The following AFF1 variants were observed in gnomAD, a reference collection of about 807,000 sequenced individuals.
AFF1 encodes the protein ALF transcription elongation factor 1.
In AFF1, 48 loss-of-function variants were observed where a neutral mutation model predicts 121.7. That is an observed-to-expected ratio of 0.39 (90% CI 0.31 to 0.50). The LOEUF is 0.50. AFF1 is among the 20% of genes least tolerant of loss of function. AFF1 has a pLI of 0.76. For synonymous variants in AFF1, 613 were observed against 563.0 expected, an observed-to-expected ratio of 1.09 and a Z score of -1.26; for missense variants, 1,523 against 1,511.7, an observed-to-expected ratio of 1.01 and a Z score of -0.12.
chr4:86,989,502 A>G (rs1477204130), intron 2 of AFF1, among the ~76,000 whole-genome samples: 3 of 152,140 alleles, frequency 2.0e-5, no homozygotes, highest in African/African-American at 7.2e-5. Flanking sequence ...ACTTAGAATG[A>G]TGATCATTAA....
Position 87,125,105 on chromosome 4 carries a change from T to G in AFF1, c.2535T>G (p.Ser845=). The G allele has an allele frequency of 1.2e-6, 2 of 1,609,888 alleles. No homozygotes were observed. The highest frequency in any genetic ancestry group is 1.7e-6 in the Non-Finnish European group (2 of 1,177,366). Residue 845 remains serine (S), a synonymous_variant, in exon 13 of 21, where the codon TCT becomes TCG. Transcript: ENST00000395146. ...RLEKEIKSQS[S]SSSSSHKESS... ...AGAAGGAAATCAAATCACAGTCATCTTCATCTTCATCCTCCCACAAAGAAT... is the reference window on the plus strand; with the variant it reads ...AGAAGGAAATCAAATCACAGTCATCGTCATCTTCATCCTCCCACAAAGAAT...
At chr4:87,128,627 T>C (rs1330517418) in intron 16 of AFF1, among the ~76,000 whole-genome samples, 1 of 152,220 alleles carries the variant, frequency 6.6e-6, no homozygotes, top group African/African-American at 2.4e-5. Flanking sequence ...TGATTCATGG[T>C]GGCCCAGCCC....
At chr4:86,948,667 T>G (rs561995596) in intron 2 of AFF1, 96 bp downstream of exon 2, 158 of 1,223,864 alleles carry the variant, frequency 1.3e-4, no homozygotes, top group Middle Eastern at 2.5e-4. Flanking sequence ...TTTTGCAACT[T>G]AAGAACTCAC....
At position 87,126,309 on chromosome 4, in the gene AFF1, G is replaced by A. The variant is rs773479107; in HGVS notation, c.2784G>A (p.Lys928=). The A allele has an allele frequency of 4.3e-6, 7 of 1,614,038 alleles. No homozygotes were observed. The highest frequency in any genetic ancestry group is 1.1e-5 in the South Asian group (1 of 91,080). ...CCAAGCAGAGAAGAGTAGAGGGGAAGGGCTCCAGAAGCTCCTCGGAGCACA... is the reference window on the plus strand; with the variant it reads ...CCAAGCAGAGAAGAGTAGAGGGGAAAGGCTCCAGAAGCTCCTCGGAGCACA... The part of the protein sequence containing the change: ...SIPKQRRVEG[K]GSRSSSEHKG... The change falls in exon 14 of 21, where the codon AAG becomes AAA. Residue 928 remains lysine (K), a synonymous_variant. Coordinates refer to ENST00000395146, the MANE Select transcript of AFF1 (RefSeq NM_001166693.3).
At chr4:87,006,391 C>T (rs1054589008) in intron 2 of AFF1, among the ~76,000 whole-genome samples, 3 of 152,162 alleles carry the variant, frequency 2.0e-5, no homozygotes, top group Non-Finnish European at 2.9e-5. Context: ...TCGTATAGGA[C>T]TTACTATATT....
intron 2 of AFF1, among the ~76,000 whole-genome samples, chr4:86,968,008 A>G (rs1722654778): frequency 6.6e-6 from 1 of 152,210 alleles, no homozygotes; most frequent in Non-Finnish European, 1.5e-5. Context: ...GTAGCAGAGA[A>G]GGCTTAGTAA....
At chr4:86,949,836 C>A (rs969839562) in intron 2 of AFF1, 1 of 1,613,804 alleles carries the variant, frequency 6.2e-7, no homozygotes, top group Non-Finnish European at 8.5e-7. Context: ...ATCCAGGACC[C>A]CACCTCGTAG....
chr4:87,029,966 G>A (rs1728906888), intron 2 of AFF1, among the ~76,000 whole-genome samples: 1 of 152,158 alleles, frequency 6.6e-6, no homozygotes, highest in Non-Finnish European at 1.5e-5. Context: ...TTTGGAATAA[G>A]GGGGAAAGAC....
chr4:86,968,465 G>A (rs905206577), intron 2 of AFF1, among the ~76,000 whole-genome samples: 1 of 152,090 alleles, frequency 6.6e-6, no homozygotes, highest in African/African-American at 2.4e-5. Flanking sequence ...ATAGACGTTC[G>A]TACAGTTTTC....
intron 12 of AFF1, among the ~76,000 whole-genome samples, chr4:87,122,771 CTG>C (rs1222764227): frequency 6.7e-6 from 1 of 148,196 alleles, no homozygotes; most frequent in Non-Finnish European, 1.5e-5. Flanking sequence ...CTATAGCAAA[CTG>C]TGAAGAACTG....
Position 87,006,996 on chromosome 4 carries a change from C to T in AFF1, c.39-39170C>T, listed in dbSNP as rs879142823. On this transcript the variant is annotated intron_variant, in intron 2 of 20. Coordinates refer to ENST00000395146, the MANE Select transcript of AFF1 (RefSeq NM_001166693.3). ...CTTCAAGTGAGCCCAGAGGCAATTT[C>T]TTTTCCTTTCTAACTGTGGCCCGCG... 14 of 1,084,794 alleles carry T rather than the reference C, an allele frequency of 1.3e-5. No homozygotes were observed. In the South Asian group the frequency reaches 5.3e-4, roughly 41 times the overall value. 67.2% of individuals were successfully genotyped at this position (1,084,794 alleles called of 1,614,324 possible). A position where few individuals can be genotyped will look rare whatever the true frequency, so the allele number is the denominator to read the frequency against.
chr4:86,970,327 TACA>T (rs796395771), intron 2 of AFF1, among the ~76,000 whole-genome samples: 33 of 152,118 alleles, frequency 2.2e-4, no homozygotes, highest in African/African-American at 5.5e-4. Flanking sequence ...ACCTCGTCTC[TACA>T]ACAACAACAA....
At chr4:86,941,905 C>T (rs1308408737) in intron 1 of AFF1, among the ~76,000 whole-genome samples, 1 of 151,510 alleles carries the variant, frequency 6.6e-6, no homozygotes, top group Non-Finnish European at 1.5e-5. Context: ...TACCACAGAC[C>T]CATGGAGAAA....
chr4:87,100,718 C>T (rs1248280940), intron 8 of AFF1, among the ~76,000 whole-genome samples: 5 of 152,146 alleles, frequency 3.3e-5, no homozygotes, highest in East Asian at 1.9e-4. Context: ...AGATTCTACA[C>T]GATAAACTTG....
At chr4:86,937,357 G>T (rs904413863) in intron 1 of AFF1, among the ~76,000 whole-genome samples, 9 of 152,188 alleles carry the variant, frequency 5.9e-5, no homozygotes, top group African/African-American at 2.2e-4. Context: ...TAACAGGCAT[G>T]CATTTTTTGC....
intron 2 of AFF1, chr4:87,036,692 A>G: frequency 2.7e-6 from 1 of 367,994 alleles, no homozygotes; most frequent in East Asian, 9.3e-5. Context: ...CTCAAAATAG[A>G]CTTATGAGAT....
In AFF1 at chr4:87,116,099, C is replaced by T. The variant is rs565786313; in HGVS notation, c.2466+800C>T. ...TACCAATATCACATCCATATTTTAACGCATGACCATACAACACCTCTTTAC... is the reference window on the plus strand; with the variant it reads ...TACCAATATCACATCCATATTTTAATGCATGACCATACAACACCTCTTTAC... On this transcript the variant is annotated intron_variant, in intron 12 of 20. Transcript: ENST00000395146. Among the ~76,000 whole-genome samples, 26 of 152,290 alleles carry T rather than the reference C, an allele frequency of 1.7e-4. No individual in the cohort carries two copies. In the South Asian group the frequency reaches 3.1e-3, roughly 18 times the overall value.
intron 2 of AFF1, among the ~76,000 whole-genome samples, chr4:86,957,400 T>C (rs531481625): frequency 2.6e-5 from 4 of 152,326 alleles, no homozygotes; most frequent in South Asian, 2.1e-4. Context: ...ATCTGAGTCA[T>C]GTTTTCTATG....
chr4:87,120,543 G>A (rs1727581727), intron 12 of AFF1, among the ~76,000 whole-genome samples: 1 of 152,304 alleles, frequency 6.6e-6, no homozygotes, highest in East Asian at 1.9e-4. Flanking sequence ...TCCCAGTCCC[G>A]TGAGCTTTCC....
Sources: allele counts gnomAD v4.1 joint callset (sites outside exome capture counted in the v4.1 genomes callset), GRCh38; gene constraint gnomAD v4.1.1; transcripts MANE v1.5; gene names NCBI Gene and HGNC (gene_info 2026-07-23, HGNC 2026-07-21).